The following PCDH19 variants were observed in gnomAD, a reference collection of about 807,000 sequenced individuals.
PCDH19 encodes the protein protocadherin-19.
Under a neutral mutation model 46.2 loss-of-function variants are expected in PCDH19, and 6 were observed. The observed-to-expected ratio is 0.13, with a 90% confidence interval of 0.07 to 0.26. The LOEUF (loss-of-function observed/expected upper bound fraction) is 0.26. PCDH19 is among the 10% of genes least tolerant of loss of function. The pLI, the probability that PCDH19 is intolerant of heterozygous loss-of-function variation, is 1.00. For synonymous variants in PCDH19, 481 were observed against 415.7 expected (o/e 1.16, Z -1.91); for missense variants, 740 against 972.3 (o/e 0.76, Z 3.18).
At chrX:100,381,323 T>C (rs917285125) in intron 3 of PCDH19, among the ~76,000 whole-genome samples, 3 of 112,159 alleles carry the variant, frequency 2.7e-5, no homozygotes, top group Admixed American at 9.5e-5. Context: ...AACAGAGACA[T>C]TGAAAGTCTT....
At position 100,292,928 on chromosome X, in the gene PCDH19, C is replaced by T. The variant is rs749108791; in HGVS notation, c.*3349G>A. 1 of 111,830 alleles carries T rather than the reference C, an allele frequency of 8.9e-6. No homozygotes were observed. Among genetic ancestry groups the T allele is most frequent in the East Asian group, 2.8e-4 (1 of 3,535 alleles). The allele number at this position is 111,830 out of a possible 1,213,427, so 9.2% of individuals were successfully genotyped here. ...AAGTGGATTGGAATTCCAGCCAGAA[C>T]TGCTATTATGTACAATAATAATCCT... On this transcript the variant is annotated 3_prime_UTR_variant, in exon 6 of 6. Transcript: ENST00000373034.
intron 2 of PCDH19, 85 bp downstream of exon 2, chrX:100,403,439 C>G: frequency 1.0e-6 from 1 of 975,558 alleles, no homozygotes. Context: ...TAGCCCGGTT[C>G]CCTTTTACTC....
intron 5 of PCDH19, among the ~76,000 whole-genome samples, chrX:100,322,457 T>C (rs1404531088): frequency 9.0e-6 from 1 of 111,504 alleles, no homozygotes; most frequent in African/African-American, 3.3e-5. Context: ...TACCATGATG[T>C]TTTGGTGACT....
intron 4 of PCDH19, among the ~76,000 whole-genome samples, chrX:100,344,880 A>G (rs1926351281): frequency 9.4e-6 from 1 of 106,557 alleles, no homozygotes; most frequent in Admixed American, 1.0e-4. Context: ...TTAAAGGAAA[A>G]AAACCAAAAG....
At chrX:100,370,969 C>A (rs1927197719) in intron 3 of PCDH19, among the ~76,000 whole-genome samples, 1 of 101,511 alleles carries the variant, frequency 9.9e-6, no homozygotes, top group African/African-American at 3.6e-5. Context: ...ATTTGTTTTC[C>A]AAAGAATACA....
At chrX:100,297,271 C>T (rs899910213) in intron 5 of PCDH19, among the ~76,000 whole-genome samples, 5 of 111,300 alleles carry the variant, frequency 4.5e-5, no homozygotes, top group Admixed American at 9.5e-5. Flanking sequence ...GAAGGGAATC[C>T]AACAGTCAGT....
intron 3 of PCDH19, among the ~76,000 whole-genome samples, chrX:100,375,409 T>C (rs1280844805): frequency 8.9e-6 from 1 of 112,099 alleles, no homozygotes; most frequent in Non-Finnish European, 1.9e-5. Context: ...TCCATGTCCC[T>C]ACAAAGGACA....
chrX:100,389,395 G>C (rs1361049051), intron 3 of PCDH19, among the ~76,000 whole-genome samples: 1 of 107,479 alleles, frequency 9.3e-6, no homozygotes, highest in African/African-American at 3.4e-5. Flanking sequence ...TTGTGGGTGG[G>C]GGAAATAGGA....
At chrX:100,399,899 T>C (rs1672995912) in intron 3 of PCDH19, among the ~76,000 whole-genome samples, 1 of 112,133 alleles carries the variant, frequency 8.9e-6, no homozygotes, top group South Asian at 3.7e-4. Flanking sequence ...TTCTAAATAA[T>C]TGAAGCAATA....
intron 5 of PCDH19, among the ~76,000 whole-genome samples, chrX:100,328,347 C>A (rs184006775): frequency 4.5e-5 from 5 of 111,543 alleles, no homozygotes; most frequent in African/African-American, 1.6e-4. Flanking sequence ...AGATGGGGGA[C>A]TAGAGCAGGA....
At chrX:100,311,276 C>T (rs1297347216) in intron 5 of PCDH19, among the ~76,000 whole-genome samples, 1 of 111,671 alleles carries the variant, frequency 9.0e-6, no homozygotes, top group Non-Finnish European at 1.9e-5. Context: ...TCATGATGGT[C>T]ATGAGCTTCT....
Position 100,408,431 on chromosome X carries a change from CG to C in PCDH19, c.166del (p.Arg56GlyfsTer16). ...CACCACGCGAAAGGCTGAAGCCTGC[CG>C]GGGGTCCAGCGCGAAGCCCGCCTCT... is the stretch of plus-strand genomic sequence containing the variant. ...AREAGFALDP[R>X]QASAFRVVSN... On this transcript the variant is annotated frameshift_variant, in exon 1 of 6. Coordinates refer to ENST00000373034, the MANE Select transcript of PCDH19 (RefSeq NM_001184880.2). LOFTEE classifies it high-confidence loss of function. 8.3e-7 allele frequency: 1 copy of C among 1,204,782 alleles called. No individual in the cohort carries two copies.
chrX:100,363,856 C>CATGTGTGTGTGTGTGTGT (rs57620335), intron 3 of PCDH19, among the ~76,000 whole-genome samples: 185 of 88,962 alleles, frequency 2.1e-3, no homozygotes, highest in African/African-American at 6.3e-3. Flanking sequence ...AATGTGCGTG[C>CATGTGTGTGTGTGTGTGT]GTGTGTGTGT....
chrX:100,409,266 C>T lies in PCDH19; in HGVS notation c.-669G>A, dbSNP rs2147544176. The T allele has an allele frequency of 8.9e-6, 1 of 112,320 alleles. No individual in the cohort carries two copies. Among genetic ancestry groups the T allele is most frequent in the Non-Finnish European group, 1.9e-5 (1 of 53,142 alleles). The allele number at this position is 112,320 out of a possible 1,213,427, so 9.3% of individuals were successfully genotyped here. On this transcript the variant is annotated 5_prime_UTR_variant, in exon 1 of 6. Transcript: ENST00000373034. The stretch of plus-strand genomic sequence containing the variant: ...GACGGGAGTCAGTTACTGGCAAGCG[C>T]CGCGGGCACCCGGTTATAGGGTTGA...
At chrX:100,305,639 A>C in intron 5 of PCDH19, among the ~76,000 whole-genome samples, 1 of 111,929 alleles carries the variant, frequency 8.9e-6, no homozygotes, top group Non-Finnish European at 1.9e-5. Context: ...AATGAATAAG[A>C]GTTCACCAAC....
chrX:100,404,626 T>C (rs1274025585), intron 1 of PCDH19, among the ~76,000 whole-genome samples: 1 of 106,996 alleles, frequency 9.3e-6, no homozygotes, highest in East Asian at 3.0e-4. Context: ...TTTTTTTTTT[T>C]CAATATTCAG....
chrX:100,354,174 A>T (rs967232759), intron 3 of PCDH19, among the ~76,000 whole-genome samples: 1 of 111,858 alleles, frequency 8.9e-6, no homozygotes. Flanking sequence ...TACTGGTTCA[A>T]GGTGTATGCC....
rs1569294662 is a variant in PCDH19 at position 100,333,168 on chromosome X, AG to A, written c.2848+8734del. ...AAGGAAGGAAGGAAGGAAGGAAGGA[AG>A]GAAGGGAGAGAGAGAGAAAGAAAGA... On this transcript the variant is annotated intron_variant, in intron 5 of 5. Transcript: ENST00000373034. Among the ~76,000 whole-genome samples the A allele has an allele frequency of 3.5e-4, 12 of 33,815 alleles. 1 individual carries two copies. The highest frequency in any genetic ancestry group is 5.2e-4 in the African/African-American group (7 of 13,529). The allele number at this position is 33,815 out of a possible 115,157, so 29.4% of individuals were successfully genotyped here. A position where few individuals can be genotyped will look rare whatever the true frequency, so the allele number is the denominator to read the frequency against.
chrX:100,401,898 C>T (rs777232141), intron 3 of PCDH19, among the ~76,000 whole-genome samples: 14 of 111,687 alleles, frequency 1.3e-4, no homozygotes, highest in Non-Finnish European at 1.7e-4. Flanking sequence ...AACCAGCCAA[C>T]TAATTCTTAA....
Sources: gnomAD v4.1 joint callset for allele counts (sites outside exome capture counted in the v4.1 genomes callset) on GRCh38, gnomAD v4.1.1 for gene constraint, MANE v1.5 for transcripts, NCBI Gene and HGNC (gene_info 2026-07-23, HGNC 2026-07-21) for gene names.